Variants in RRBP1 observed in about 807,000 individuals in gnomAD.
RRBP1 encodes ribosome-binding protein 1.
In RRBP1, 94 loss-of-function variants were observed where a neutral mutation model predicts 165.2. The ratio of observed to expected loss-of-function variants is 0.57; its 90% CI spans 0.48 to 0.68. The LOEUF (loss-of-function observed/expected upper bound fraction) is 0.68, where lower values mean the gene tolerates loss of function less well. RRBP1 is among the 30% of genes least tolerant of loss of function. The probability of loss-of-function intolerance (pLI) is 0.00; values close to 1 mark genes in which losing one functional copy is unlikely to be tolerated. For synonymous variants in RRBP1, 680 were observed against 714.5 expected (o/e 0.95, Z 0.77); for missense variants, 1,676 against 1,763.0 (o/e 0.95, Z 0.88).
chr20:17,614,925 G>T (rs1233195409), intron 23 of RRBP1, 45 bp from the exon 24 acceptor site: 4 of 1,603,950 alleles, frequency 2.5e-6, no homozygotes, highest in Non-Finnish European at 3.4e-6. Context: ...GCACCGGCAG[G>T]AGGGCCACCC....
intron 2 of RRBP1, among the ~76,000 whole-genome samples, chr20:17,667,985 A>T (rs1239784596): frequency 6.6e-6 from 1 of 152,254 alleles, no homozygotes; most frequent in Non-Finnish European, 1.5e-5. Context: ...TGAGATGTTT[A>T]GAAACACACT....
At chr20:17,671,441 G>A (rs1359561714) in intron 2 of RRBP1, among the ~76,000 whole-genome samples, 1 of 152,208 alleles carries the variant, frequency 6.6e-6, no homozygotes, top group Non-Finnish European at 1.5e-5. Flanking sequence ...GACTGACCCA[G>A]GAACACTAGG....
At chr20:17,649,807 C>T (rs755440661) in intron 3 of RRBP1, among the ~76,000 whole-genome samples, 45 of 152,212 alleles carry the variant, frequency 3.0e-4, no homozygotes, top group Non-Finnish European at 5.4e-4. Context: ...AATGGGGGCT[C>T]AGCGAGACTG....
At chr20:17,654,084 G>A (rs1054856860) in intron 3 of RRBP1, among the ~76,000 whole-genome samples, 10 of 152,210 alleles carry the variant, frequency 6.6e-5, no homozygotes, top group Admixed American at 5.9e-4. Context: ...CACAACAAAA[G>A]GACAGGGCTC....
chr20:17,671,584 T>C (rs1452245245), intron 2 of RRBP1, among the ~76,000 whole-genome samples: 1 of 152,184 alleles, frequency 6.6e-6, no homozygotes, highest in African/African-American at 2.4e-5. Flanking sequence ...ACCCTGCCTG[T>C]AGGGTGAGAA....
chr20:17,658,032 G>A (rs1405543323), intron 3 of RRBP1, among the ~76,000 whole-genome samples: 1 of 152,200 alleles, frequency 6.6e-6, no homozygotes, highest in East Asian at 1.9e-4. Flanking sequence ...TCTACACTGT[G>A]TGGTGGACAG....
chr20:17,668,856 C>T (rs1468496652), intron 2 of RRBP1, among the ~76,000 whole-genome samples: 8 of 152,044 alleles, frequency 5.3e-5, no homozygotes, highest in Non-Finnish European at 1.0e-4. Flanking sequence ...CCCAGTCACT[C>T]GCTGCAACCT....
chr20:17,670,176 A>G (rs1016621249), intron 2 of RRBP1, among the ~76,000 whole-genome samples: 1 of 152,210 alleles, frequency 6.6e-6, no homozygotes, highest in African/African-American at 2.4e-5. Context: ...TAATCATACT[A>G]TTCTACTCCT....
intron 2 of RRBP1, among the ~76,000 whole-genome samples, chr20:17,670,743 G>T (rs1198565337): frequency 3.3e-5 from 5 of 152,076 alleles, no homozygotes; most frequent in Admixed American, 3.3e-4. Context: ...GCTATCTTGG[G>T]TTTTTGTCTT....
chr20:17,614,622 C>G lies in RRBP1; in HGVS notation c.4194+115G>C, dbSNP rs2035756139. 11 of 1,356,342 alleles carry G rather than the reference C, an allele frequency of 8.1e-6. No homozygotes were observed. In the South Asian group the frequency reaches 1.5e-4, roughly 18 times the overall value. The allele number at this position is 1,356,342 out of a possible 1,614,324, so 84.0% of individuals were successfully genotyped here. On this transcript the variant is annotated intron_variant, in intron 24 of 24. Coordinates refer to ENST00000377813, the MANE Select transcript of RRBP1 (RefSeq NM_001365613.2). ...GCTCTGCCTCCCCTGGGGCTCCCAG[C>G]CCAGCGCTCCCAGCAGCTTGACGAC...
At chr20:17,671,342 G>A (rs760307213) in intron 2 of RRBP1, among the ~76,000 whole-genome samples, 2 of 152,148 alleles carry the variant, frequency 1.3e-5, no homozygotes, top group South Asian at 4.1e-4. Flanking sequence ...TCCTAACTAT[G>A]GACTATTCTC....
rs1568748947 is a variant in RRBP1 at position 17,615,547 on chromosome 20, T to A, written c.3952-18A>T. 1 of 1,591,364 alleles carries A rather than the reference T, an allele frequency of 6.3e-7. No homozygotes were observed. ...GTCTGAGCCTTGCCGGAGAGGGAAG[T>A]GAGGTCTGGGTGAGACGTCTTATAA... On this transcript the variant is annotated intron_variant, in intron 22 of 24. Transcript: ENST00000377813.
Position 17,616,750 on chromosome 20 carries a change from G to C in RRBP1, c.3849C>G (p.Ala1283=). The C allele has an allele frequency of 3.1e-6, 5 of 1,610,642 alleles. No homozygotes were observed. The highest frequency in any genetic ancestry group is 4.2e-6 in the Non-Finnish European group (5 of 1,178,550). Residue 1283 remains alanine (A), a synonymous_variant, in exon 21 of 25, where the codon GCC becomes GCG. Transcript: ENST00000377813. The stretch of plus-strand genomic sequence containing the variant: ...CCCTAACCTGAACGGGGTCCTGCTC[G>C]GCTGGGGGCGCCTCTGGGGAGGAAG... ...APASSPEAPP[A]EQDPVQLKTQ... is the part of the protein sequence containing the mutation.
In RRBP1 at chr20:17,643,842, A is replaced by C. The variant is rs921404375; in HGVS notation, c.1913-715T>G. Among the ~76,000 whole-genome samples the C allele has an allele frequency of 3.9e-5, 6 of 152,022 alleles. No homozygotes were observed. Among genetic ancestry groups the C allele is most frequent in the Non-Finnish European group, 7.4e-5 (5 of 67,990 alleles). On this transcript the variant is annotated intron_variant, in intron 3 of 24. Coordinates refer to ENST00000377813, the MANE Select transcript of RRBP1 (RefSeq NM_001365613.2). This position sits in a 1 kb window ranked among gnomAD's most constrained non-coding sequence, Gnocchi z 4.3. ...TGCCAACAAACGTCACTTCTGAAAAACTAAAACTGCCGACACCCCCCACGC... is the reference window on the plus strand; with the variant it reads ...TGCCAACAAACGTCACTTCTGAAAACCTAAAACTGCCGACACCCCCCACGC...
At chr20:17,676,402 C>T (rs891735339) in intron 2 of RRBP1, among the ~76,000 whole-genome samples, 1 of 151,990 alleles carries the variant, frequency 6.6e-6, no homozygotes, top group African/African-American at 2.4e-5. Context: ...GGCCTAGTTT[C>T]ATTTTATAGG....
At chr20:17,628,276 A>G (rs912800443) in intron 9 of RRBP1, among the ~76,000 whole-genome samples, 4 of 152,132 alleles carry the variant, frequency 2.6e-5, no homozygotes, top group African/African-American at 7.2e-5. Flanking sequence ...TGCCTCTTCT[A>G]AATGAAGCTC....
chr20:17,645,683 C>T (rs531341909), intron 3 of RRBP1, among the ~76,000 whole-genome samples: 233 of 152,378 alleles, frequency 1.5e-3, no homozygotes, highest in African/African-American at 5.3e-3. Flanking sequence ...ATTTAAATAA[C>T]GTACTAACGG....
At chr20:17,642,646 G>A (rs540503631) in intron 4 of RRBP1, among the ~76,000 whole-genome samples, 74 of 152,246 alleles carry the variant, frequency 4.9e-4, no homozygotes, top group South Asian at 1.0e-3. Flanking sequence ...CTCCTGGGCT[G>A]GGGAACCTCA....
At position 17,627,409 on chromosome 20, in the gene RRBP1, G is replaced by A. The variant is rs772566205; in HGVS notation, c.2929-27C>T. The A allele has an allele frequency of 8.1e-6, 13 of 1,613,648 alleles. No individual in the cohort carries two copies. In the South Asian group the frequency reaches 1.3e-4, roughly 16 times the overall value. ...TGGAATGAGAGACAAAAGCTCCTTG[G>A]TCTCCAGGAGACTCATCTCACGCAG... On this transcript the variant is annotated intron_variant, in intron 10 of 24. Transcript: ENST00000377813.
Sources: gnomAD v4.1 joint callset for allele counts (sites outside exome capture counted in the v4.1 genomes callset) on GRCh38, gnomAD v4.1.1 for gene constraint, Gnocchi (gnomAD v3.1) non-coding constraint, MANE v1.5 for transcripts, NCBI Gene and HGNC (gene_info 2026-07-23, HGNC 2026-07-21) for gene names.